Variants in PHF3 observed in about 807,000 individuals in gnomAD.
PHF3 encodes the protein PHD finger protein 3.
Under a neutral mutation model 178.4 loss-of-function variants are expected in PHF3, and 41 were observed. That is an observed-to-expected ratio of 0.23 (90% CI 0.18 to 0.30). PHF3 has a LOEUF of 0.30. PHF3 is among the 10% of genes least tolerant of loss of function. The pLI, the probability that PHF3 is intolerant of heterozygous loss-of-function variation, is 1.00. For missense variants in PHF3, 2,346 were observed against 2,398.1 expected (o/e 0.98, Z 0.45); for synonymous variants, 842 against 800.5 (o/e 1.05, Z -0.88).
intron 12 of PHF3, among the ~76,000 whole-genome samples, chr6:63,706,490 AGAC>A (rs1364364243): frequency 1.3e-5 from 2 of 152,230 alleles, no homozygotes; most frequent in African/African-American, 4.8e-5. Flanking sequence ...AGATTATTAA[AGAC>A]GAAATGTTTG....
intron 2 of PHF3, among the ~76,000 whole-genome samples, chr6:63,677,310 G>A (rs1332202235): frequency 6.6e-6 from 1 of 151,840 alleles, no homozygotes; most frequent in African/African-American, 2.4e-5. Context: ...AAGATGGGGG[G>A]ACTGAACTGT....
At position 63,711,574 on chromosome 6, in the gene PHF3, G is replaced by T; in HGVS notation, c.3998-12G>T. 1 of 1,545,216 alleles carries T rather than the reference G, an allele frequency of 6.5e-7. No homozygotes were observed. Among genetic ancestry groups the T allele is most frequent in the South Asian group, 1.2e-5 (1 of 80,736 alleles). On this transcript the variant is annotated splice_polypyrimidine_tract_variant and intron_variant, in intron 15 of 15. Transcript: ENST00000262043. ...AAATGATGAATTAATTGATGTTTTT[G>T]GTTTTATACAGGGCTTGAACTGCAT...
chr6:63,711,387 A>G lies in PHF3; in HGVS notation c.3997+25A>G, dbSNP rs748496408. ...GGTAGGTATACGTTTTAATAATAGG[A>G]TAAGAATGAAATAACATGGGAGGTG... On this transcript the variant is annotated intron_variant, in intron 15 of 15. Transcript: ENST00000262043. 66 of 1,549,908 alleles carry G rather than the reference A, an allele frequency of 4.3e-5. 2 individuals carry two copies. In the South Asian group the frequency reaches 4.5e-4, roughly 11 times the overall value.
rs748081615 is a variant in PHF3, at chr6:63,685,946, T to A, written c.2189+35T>A. On this transcript the variant is annotated intron_variant, in intron 4 of 15. Transcript: ENST00000262043. ...TATGTGTGTATGAGTGATGTGTACA[T>A]TGAAAATAAATTGCTTTTTTGGGGG... is the stretch of plus-strand genomic sequence containing the variant. 8.8e-6 allele frequency: 13 copies of A among 1,477,968 alleles called. No homozygotes were observed. In the East Asian group the frequency reaches 2.3e-4, roughly 26 times the overall value. 91.6% of individuals were successfully genotyped at this position (1,477,968 alleles called of 1,614,324 possible). A position where few individuals can be genotyped will look rare whatever the true frequency, so the allele number is the denominator to read the frequency against.
Position 63,713,522 on chromosome 6 carries a change from T to C in PHF3, c.5934T>C (p.Asp1978=). ...AGAGGGCACGGTTATCACATGGTGA[T>C]CGAGGAACAGATGGAAAAGCAAGCA... ...DKERARLSHG[D]RGTDGKASRD... is the part of the protein sequence containing the mutation. The change falls in exon 16 of 16, where the codon GAT becomes GAC. Residue 1978 remains aspartate (D), a synonymous_variant. Transcript: ENST00000262043. 1 of 1,613,270 alleles carries C rather than the reference T, an allele frequency of 6.2e-7. No homozygotes were observed. The highest frequency in any genetic ancestry group is 8.5e-7 in the Non-Finnish European group (1 of 1,179,838).
At chr6:63,672,094 G>A (rs1273284932) in intron 2 of PHF3, among the ~76,000 whole-genome samples, 2 of 152,198 alleles carry the variant, frequency 1.3e-5, no homozygotes, top group African/African-American at 2.4e-5. Flanking sequence ...GTCCGCCTCA[G>A]CCTCCCAAAG....
intron 2 of PHF3, among the ~76,000 whole-genome samples, chr6:63,665,475 GGTTTTTTTTT>G (rs921816765): frequency 6.6e-5 from 9 of 135,472 alleles, no homozygotes; most frequent in Non-Finnish European, 1.3e-4. Context: ...TTCGCTTTGT[GGTTTTTTTTT>G]GTTTTTTTTT....
Position 63,718,996 on chromosome 6 carries a change from T to C in PHF3, c.*5288T>C, listed in dbSNP as rs1333719592. On this transcript the variant is annotated 3_prime_UTR_variant, in exon 16 of 16. Coordinates refer to ENST00000262043, the MANE Select transcript of PHF3 (RefSeq NM_001370348.2). The stretch of plus-strand genomic sequence containing the variant: ...TTTAGGTCACAGTTTTTCAGCAAAA[T>C]TTGATGGAGTTGTTTTAAGTGGTTT... Among the ~76,000 whole-genome samples the C allele has an allele frequency of 2.0e-5, 3 of 152,006 alleles. No homozygotes were observed. The highest frequency in any genetic ancestry group is 2.9e-5 in the Non-Finnish European group (2 of 67,944).
chr6:63,709,285 G>T (rs540093084), intron 14 of PHF3, 45 bp downstream of exon 14: 1 of 1,238,188 alleles, frequency 8.1e-7, no homozygotes, highest in African/African-American at 1.5e-5. Context: ...AAAATGTTTA[G>T]AAAGTAAACA....
In PHF3 at chr6:63,685,383, A is replaced by G; in HGVS notation, c.1661A>G (p.Lys554Arg). ...PVKVRKKQID[K>R]EPKIQSCNSG... ...AAAGTCAGAAAAAAACAAATTGATA[A>G]GGAGCCAAAGATTCAGAGTTGCAAT... The change falls in exon 4 of 16, where the codon AAG (lysine) becomes AGG (arginine). Residue 554 changes from lysine to arginine, a missense_variant. Physicochemically the swap from Lys to Arg is conservative, Grantham distance 26 (BLOSUM62 2). Around this residue, in one of 8 missense-constraint regions of PHF3, gnomAD observed 843 missense variants for 795.2 expected, o/e 1.06. Coordinates refer to ENST00000262043, the MANE Select transcript of PHF3 (RefSeq NM_001370348.2). 1 of 1,614,078 alleles carries G rather than the reference A, an allele frequency of 6.2e-7. No individual in the cohort carries two copies.
chr6:63,683,540 C>G (rs1045173965), intron 3 of PHF3, among the ~76,000 whole-genome samples: 40 of 151,834 alleles, frequency 2.6e-4, no homozygotes, highest in African/African-American at 9.7e-4. Flanking sequence ...GTATGTGGTA[C>G]TCTGTGTTGA....
In PHF3 at chr6:63,713,306, A is replaced by G. The variant is rs201044241; in HGVS notation, c.5718A>G (p.Gln1906=). Residue 1906 remains glutamine (Q), a synonymous_variant, in exon 16 of 16, where the codon CAA becomes CAG. Coordinates refer to ENST00000262043, the MANE Select transcript of PHF3 (RefSeq NM_001370348.2). ...GTGACCCTTGGGGTAGGCAAGACCA[A>G]CAGCAACTGGATAGGCCATTTAATA... is the stretch of plus-strand genomic sequence containing the variant. ...RHSDPWGRQD[Q]QQLDRPFNRG... 3.2e-5 allele frequency: 51 copies of G among 1,613,940 alleles called. No homozygotes were observed. The highest frequency in any genetic ancestry group is 4.3e-5 in the Non-Finnish European group (51 of 1,179,996).
chr6:63,661,247 C>T (rs1465532511), intron 2 of PHF3, among the ~76,000 whole-genome samples: 1 of 152,084 alleles, frequency 6.6e-6, no homozygotes, highest in African/African-American at 2.4e-5. Flanking sequence ...GTTATTCATA[C>T]CGGCACTAGA....
intron 3 of PHF3, among the ~76,000 whole-genome samples, 186 bp from the exon 4 acceptor site, chr6:63,683,943 T>G (rs576308223): frequency 6.6e-6 from 1 of 152,224 alleles, no homozygotes; most frequent in East Asian, 1.9e-4. Flanking sequence ...AATATAAAAT[T>G]TGACATATGT....
intron 2 of PHF3, among the ~76,000 whole-genome samples, chr6:63,663,746 C>T (rs1461987186): frequency 6.6e-6 from 1 of 152,110 alleles, no homozygotes; most frequent in South Asian, 2.1e-4. Context: ...AAGGAAGTGA[C>T]TGAGAGCTAG....
At position 63,722,478 on chromosome 6, in the gene PHF3, G is replaced by A. The variant is rs982174427; in HGVS notation, c.*8770G>A. Among the ~76,000 whole-genome samples, 1 of 152,114 alleles carries A rather than the reference G, an allele frequency of 6.6e-6. No homozygotes were observed. Among genetic ancestry groups the A allele is most frequent in the African/African-American group, 2.4e-5 (1 of 41,432 alleles). ...TCATTTTATAATTATATAGTCGTGT[G>A]AAGAAATAGGAACAAATACCATCCA... On this transcript the variant is annotated 3_prime_UTR_variant, in exon 16 of 16. Coordinates refer to ENST00000262043, the MANE Select transcript of PHF3 (RefSeq NM_001370348.2).
chr6:63,694,780 G>A lies in PHF3; in HGVS notation c.2680+16G>A. The A allele has an allele frequency of 7.2e-7, 1 of 1,383,562 alleles. No homozygotes were observed. The allele number at this position is 1,383,562 out of a possible 1,614,324, so 85.7% of individuals were successfully genotyped here. ...TCAAAACCAGGTAGTGAGATGAACA[G>A]AAAAAATTATATACTAATATATTTA... On this transcript the variant is annotated intron_variant, in intron 6 of 15. Transcript: ENST00000262043.
chr6:63,713,153 G>A lies in PHF3; in HGVS notation c.5565G>A (p.Trp1855Ter). Residue 1855 changes from tryptophan (W) to a stop codon, truncating the protein, a stop_gained, in exon 16 of 16, where the codon TGG (tryptophan) becomes TGA (stop). Coordinates refer to ENST00000262043, the MANE Select transcript of PHF3 (RefSeq NM_001370348.2). LOFTEE classifies it high-confidence loss of function. ...TTGCTCAAAATCCCATGGTTCCCTG[G>A]CCACCTGTTGTTCATCTCCCAGGTC... ...FGFAQNPMVPWPPVVHLPGQP... is the reference protein window; with the variant it reads ...FGFAQNPMVP The A allele has an allele frequency of 6.2e-7, 1 of 1,613,934 alleles. No homozygotes were observed. The highest frequency in any genetic ancestry group is 8.5e-7 in the Non-Finnish European group (1 of 1,179,958).
chr6:63,710,838 T>C (rs906958179), intron 14 of PHF3, among the ~76,000 whole-genome samples: 2 of 151,958 alleles, frequency 1.3e-5, no homozygotes, highest in African/African-American at 4.8e-5. Flanking sequence ...GTGTAGATAT[T>C]AGAAGACTTG....
Sources: gnomAD v4.1 joint callset for allele counts (sites outside exome capture counted in the v4.1 genomes callset) on GRCh38, gnomAD v4.1.1 for gene constraint, gnomAD v4.1.1 regional missense constraint, MANE v1.5 for transcripts, NCBI Gene and HGNC (gene_info 2026-07-23, HGNC 2026-07-21) for gene names.